Variants in CSMD3 observed in about 807,000 individuals in gnomAD.
CSMD3 encodes CUB and sushi domain-containing protein 3.
CSMD3 carries 177 observed loss-of-function variants against 435.2 expected under a neutral mutation model. That is an observed-to-expected ratio of 0.41 (90% CI 0.36 to 0.46). The LOEUF (loss-of-function observed/expected upper bound fraction) is 0.46. Ranked by LOEUF, CSMD3 falls within the 20% of genes least tolerant of loss-of-function variation. The pLI, the probability that CSMD3 is intolerant of heterozygous loss-of-function variation, is 0.34. For synonymous variants in CSMD3, 1,656 were observed against 1,520.5 expected (o/e 1.09, Z -2.07); for missense variants, 4,265 against 4,504.6 (o/e 0.95, Z 1.52).
intron 53 of CSMD3, among the ~76,000 whole-genome samples, chr8:112,299,032 A>G (rs1820639525): frequency 6.6e-6 from 1 of 152,172 alleles, no homozygotes; most frequent in Non-Finnish European, 1.5e-5. Context: ...TTGAGCAATA[A>G]AAGGAACAAA....
chr8:112,459,450 C>T (rs1054807813), intron 32 of CSMD3, among the ~76,000 whole-genome samples: 1 of 151,650 alleles, frequency 6.6e-6, no homozygotes, highest in South Asian at 2.1e-4. Flanking sequence ...AAAAGTGTTG[C>T]TAGGCTGGGG....
intron 5 of CSMD3, among the ~76,000 whole-genome samples, chr8:113,073,993 T>A (rs2089239077): frequency 6.6e-6 from 1 of 151,852 alleles, no homozygotes; most frequent in African/African-American, 2.4e-5. Flanking sequence ...TCTCATGAAA[T>A]TTCTAATTTA....
At chr8:113,318,868 C>A (rs1722815855) in intron 1 of CSMD3, among the ~76,000 whole-genome samples, 1 of 149,404 alleles carries the variant, frequency 6.7e-6, no homozygotes, top group Admixed American at 6.7e-5. Flanking sequence ...TCTATATCCC[C>A]TTTTTAAGGC....
Position 113,388,162 on chromosome 8 carries a change from T to C in CSMD3, c.178+48515A>G, listed in dbSNP as rs142002904. On this transcript the variant is annotated intron_variant, in intron 1 of 70. Transcript: ENST00000297405. Reference sequence around the variant, plus strand: ...ATATAGGTAACACAGAGCTAAAATATAAGATTTTTCATAGCGGACATCCCA... The same window carrying C: ...ATATAGGTAACACAGAGCTAAAATACAAGATTTTTCATAGCGGACATCCCA... 1.9e-3 allele frequency among the ~76,000 whole-genome samples: 291 copies of C among 151,812 alleles called. 1 individual carries two copies. Among genetic ancestry groups the C allele is most frequent in the African/African-American group, 6.6e-3 (273 of 41,524 alleles).
intron 35 of CSMD3, among the ~76,000 whole-genome samples, chr8:112,391,687 A>AT (rs1211582556): frequency 1.6e-5 from 2 of 121,820 alleles, no homozygotes; most frequent in African/African-American, 5.3e-5. Flanking sequence ...ATAAGACTCC[A>AT]TCTCAAAAAA....
intron 22 of CSMD3, among the ~76,000 whole-genome samples, chr8:112,635,037 C>G (rs1302997280): frequency 6.6e-6 from 1 of 151,844 alleles, no homozygotes. Flanking sequence ...AATGAGATGA[C>G]TTTACATAAA....
At chr8:112,493,643 A>AAAT (rs1158392912) in intron 30 of CSMD3, among the ~76,000 whole-genome samples, 7 of 152,160 alleles carry the variant, frequency 4.6e-5, no homozygotes, top group Non-Finnish European at 8.8e-5. Flanking sequence ...AAAAAATAAA[A>AAAT]TCCTTTCAGA....
chr8:112,632,194 C>T lies in CSMD3; in HGVS notation c.3715+4623G>A, dbSNP rs568049505. 2.6e-5 allele frequency among the ~76,000 whole-genome samples: 4 copies of T among 152,138 alleles called. No homozygotes were observed. The South Asian group carries it at 8.3e-4, about 31-fold the overall frequency. Reference sequence around the variant, plus strand: ...TAACAGAGAAGTTACAATGATAGTACAGACAGTTCGCATATATGCTGCACA... The same window carrying T: ...TAACAGAGAAGTTACAATGATAGTATAGACAGTTCGCATATATGCTGCACA... On this transcript the variant is annotated intron_variant, in intron 22 of 70. Coordinates refer to ENST00000297405, the MANE Select transcript of CSMD3 (RefSeq NM_198123.2).
At chr8:112,250,600 C>T (rs1815174844) in intron 63 of CSMD3, among the ~76,000 whole-genome samples, 1 of 151,318 alleles carries the variant, frequency 6.6e-6, no homozygotes, top group Non-Finnish European at 1.5e-5. Flanking sequence ...GTATAATTTG[C>T]TTATTTGTAG....
At chr8:112,701,490 G>A (rs2076387817) in intron 13 of CSMD3, among the ~76,000 whole-genome samples, 1 of 151,998 alleles carries the variant, frequency 6.6e-6, no homozygotes. Flanking sequence ...CATGATAATC[G>A]AGAGAAAGAA....
intron 3 of CSMD3, among the ~76,000 whole-genome samples, chr8:113,272,571 A>T (rs1175865803): frequency 6.6e-6 from 1 of 152,084 alleles, no homozygotes; most frequent in Non-Finnish European, 1.5e-5. Context: ...CCATGTAAGA[A>T]ATGTGTTTTG....
At chr8:112,290,386 G>T (rs1450531297) in intron 56 of CSMD3, among the ~76,000 whole-genome samples, 4 of 151,954 alleles carry the variant, frequency 2.6e-5, no homozygotes, top group African/African-American at 4.8e-5. Context: ...AACACCTGAA[G>T]AACTTCAGGT....
chr8:112,396,802 C>T (rs746346282), intron 35 of CSMD3, among the ~76,000 whole-genome samples: 11 of 152,066 alleles, frequency 7.2e-5, no homozygotes, highest in Non-Finnish European at 5.9e-5. Flanking sequence ...TAATACAGTT[C>T]GATGGTTGCT....
intron 16 of CSMD3, among the ~76,000 whole-genome samples, chr8:112,682,223 CT>C (rs940542852): frequency 1.3e-5 from 2 of 151,590 alleles, no homozygotes; most frequent in African/African-American, 4.8e-5. Flanking sequence ...TTAATAAGAG[CT>C]TTTTTTAAAA....
intron 27 of CSMD3, among the ~76,000 whole-genome samples, chr8:112,539,811 T>C (rs1448537801): frequency 6.6e-6 from 1 of 151,976 alleles, no homozygotes; most frequent in Non-Finnish European, 1.5e-5. Context: ...GAAGAAAACA[T>C]TGGGAAATAC....
At chr8:112,860,542 A>G (rs550349009) in intron 10 of CSMD3, among the ~76,000 whole-genome samples, 4 of 151,728 alleles carry the variant, frequency 2.6e-5, no homozygotes, top group Admixed American at 2.6e-4. Flanking sequence ...TCACTCTTCA[A>G]AATATTTCAG....
intron 52 of CSMD3, among the ~76,000 whole-genome samples, chr8:112,303,783 A>G (rs1821150090): frequency 6.6e-6 from 1 of 152,192 alleles, no homozygotes; most frequent in African/African-American, 2.4e-5. Context: ...ATACTTGTGT[A>G]CTTATTACAC....
At chr8:113,041,130 A>G (rs1014717413) in intron 5 of CSMD3, among the ~76,000 whole-genome samples, 1 of 147,092 alleles carries the variant, frequency 6.8e-6, no homozygotes, top group East Asian at 2.1e-4. Context: ...TAATTGAACC[A>G]GGGAAGCAGA....
In CSMD3 at chr8:112,636,991, G is replaced by A. The variant is rs2131582139; in HGVS notation, c.3541C>T (p.Pro1181Ser). 6.2e-7 allele frequency: 1 copy of A among 1,613,640 alleles called. No homozygotes were observed. The highest frequency in any genetic ancestry group is 8.5e-7 in the Non-Finnish European group (1 of 1,179,704). Residue 1181 changes from proline (P) to serine (S), a missense_variant, in exon 22 of 71, where the codon CCT (proline) becomes TCT (serine). This residue lies in a region of CSMD3 where 3,255 missense variants were observed against 3,380.2 expected (regional missense o/e 0.96). Transcript: ENST00000297405. ...TGAGGAATGCCAGGATCTTCACAAG[G>A]TTCAAGGTTATATTCTGTAAATTAG... ...NITFSEYNLE[P>S]CEDPGIPQYG...
Sources: gnomAD v4.1 joint callset for allele counts (sites outside exome capture counted in the v4.1 genomes callset) on GRCh38, gnomAD v4.1.1 for gene constraint, gnomAD v4.1.1 regional missense constraint, MANE v1.5 for transcripts, NCBI Gene and HGNC (gene_info 2026-07-23, HGNC 2026-07-21) for gene names.